Variants in CAB39L observed in about 807,000 individuals in gnomAD.
CAB39L encodes the protein calcium-binding protein 39-like.
CAB39L carries 23 observed loss-of-function variants against 39.1 expected under a neutral mutation model. That is an observed-to-expected ratio of 0.59 (90% CI 0.42 to 0.83). The LOEUF is 0.83. Ranked by LOEUF, CAB39L falls within the 40% of genes least tolerant of loss-of-function variation. The pLI is 0.00. For synonymous variants in CAB39L, 126 were observed against 137.2 expected (o/e 0.92, Z 0.57); for missense variants, 366 against 391.9 (o/e 0.93, Z 0.56).
At chr13:49,429,700 A>G (rs952339377) in intron 3 of CAB39L, among the ~76,000 whole-genome samples, 1 of 152,212 alleles carries the variant, frequency 6.6e-6, no homozygotes, top group Non-Finnish European at 1.5e-5. Flanking sequence ...CCAAAACCTC[A>G]CCATCCCCAA....
chr13:49,322,699 T>C (rs901982312), intron 10 of CAB39L, among the ~76,000 whole-genome samples: 23 of 152,228 alleles, frequency 1.5e-4, no homozygotes, highest in African/African-American at 5.3e-4. Flanking sequence ...TAGACTCTTG[T>C]AACTGGGAGG....
At chr13:49,336,491 G>A (rs1264497060) in intron 9 of CAB39L, among the ~76,000 whole-genome samples, 1 of 152,172 alleles carries the variant, frequency 6.6e-6, no homozygotes, top group Admixed American at 6.5e-5. Context: ...AAGATGCCTC[G>A]TGAATAGGCT....
At chr13:49,391,912 T>C (rs1024376714) in intron 3 of CAB39L, among the ~76,000 whole-genome samples, 2 of 151,276 alleles carry the variant, frequency 1.3e-5, no homozygotes, top group African/African-American at 4.9e-5. Flanking sequence ...ATTCTACTAC[T>C]AAAAAACCAA....
chr13:49,406,985 GT>G (rs1566123205), intron 3 of CAB39L, among the ~76,000 whole-genome samples: 1 of 151,984 alleles, frequency 6.6e-6, no homozygotes, highest in Non-Finnish European at 1.5e-5. Context: ...ATTATTTTAC[GT>G]GTTATAAAAA....
At chr13:49,434,055 GT>G (rs774653529) in intron 2 of CAB39L, 30 bp downstream of exon 2, 6 of 430,356 alleles carry the variant, frequency 1.4e-5, no homozygotes, top group South Asian at 8.4e-5. Flanking sequence ...GCGTGTGCTT[GT>G]TTCCCCATCA....
At chr13:49,436,654 T>C (rs1383850846) in intron 1 of CAB39L, among the ~76,000 whole-genome samples, 1 of 143,328 alleles carries the variant, frequency 7.0e-6, no homozygotes, top group Non-Finnish European at 1.5e-5. Context: ...TAGCTGGAAC[T>C]ACAGGCATGC....
At chr13:49,313,238 T>C (rs370798840) in intron 10 of CAB39L, among the ~76,000 whole-genome samples, 1 of 152,080 alleles carries the variant, frequency 6.6e-6, no homozygotes, top group Admixed American at 6.6e-5. Flanking sequence ...TCCTAGTACT[T>C]TGGGAGGCCG....
rs146932748 is a variant in CAB39L, at chr13:49,362,876, G to A, written c.277-3044C>T. On this transcript the variant is annotated intron_variant, in intron 5 of 10. Transcript: ENST00000409308. ...TGAAAAGAAACAAATAACATACAAT[G>A]GAGCTGCAATATATCTGGCAGCAGA... is the stretch of plus-strand genomic sequence containing the variant. Among the ~76,000 whole-genome samples, 431 of 152,232 alleles carry A rather than the reference G, an allele frequency of 2.8e-3. 2 individuals carry two copies. The highest frequency in any genetic ancestry group is 9.7e-3 in the African/African-American group (402 of 41,556).
At chr13:49,413,020 C>T (rs1957021223) in intron 3 of CAB39L, 1 of 152,108 alleles carries the variant, frequency 6.6e-6, no homozygotes, top group African/African-American at 2.4e-5. Flanking sequence ...TTTTCAGAAG[C>T]CTAGTGTGAT....
chr13:49,417,615 C>T (rs888559477), intron 3 of CAB39L, among the ~76,000 whole-genome samples: 3 of 145,562 alleles, frequency 2.1e-5, no homozygotes, highest in Non-Finnish European at 3.0e-5. Context: ...AAGCAAATAA[C>T]GGAAGCAAAA....
intron 2 of CAB39L, among the ~76,000 whole-genome samples, 159 bp from the exon 3 acceptor site, chr13:49,433,552 A>G (rs981509266): frequency 5.9e-5 from 9 of 152,224 alleles, no homozygotes; most frequent in Non-Finnish European, 1.0e-4. Flanking sequence ...TCATATCCCA[A>G]TAACTCAAGT....
At chr13:49,412,320 GTAT>G (rs1957006629) in intron 3 of CAB39L, among the ~76,000 whole-genome samples, 1 of 150,970 alleles carries the variant, frequency 6.6e-6, no homozygotes, top group Non-Finnish European at 1.5e-5. Context: ...GTGATTATTT[GTAT>G]TATTCTAATA....
chr13:49,379,907 T>A (rs1443447895), intron 4 of CAB39L, among the ~76,000 whole-genome samples: 1 of 151,582 alleles, frequency 6.6e-6, no homozygotes, highest in Non-Finnish European at 1.5e-5. Flanking sequence ...AGTGGCACAA[T>A]CTTGGCTCAC....
chr13:49,370,076 T>A (rs925312386), intron 5 of CAB39L, among the ~76,000 whole-genome samples: 1 of 151,902 alleles, frequency 6.6e-6, no homozygotes, highest in Admixed American at 6.6e-5. Context: ...TGGGAGCAAG[T>A]GGTTGTGCTG....
rs151058485 is a variant in CAB39L at position 49,323,469 on chromosome 13, G to A, written c.834+8478C>T. On this transcript the variant is annotated intron_variant, in intron 10 of 10. Transcript: ENST00000409308. ...GCCATTCAGAATCCTTATTCTTCCC[G>A]GAGGCCTTCAGCTCCATCGGAAGGT... Among the ~76,000 whole-genome samples, 480 of 152,216 alleles carry A rather than the reference G, an allele frequency of 3.2e-3. 3 individuals carry two copies. Among genetic ancestry groups the A allele is most frequent in the Non-Finnish European group, 4.3e-3 (295 of 68,020 alleles).
At chr13:49,390,678 C>A (rs1332656180) in intron 3 of CAB39L, among the ~76,000 whole-genome samples, 1 of 152,008 alleles carries the variant, frequency 6.6e-6, no homozygotes, top group Non-Finnish European at 1.5e-5. Context: ...AAGAAGTAAA[C>A]AATGAATGAG....
intron 3 of CAB39L, among the ~76,000 whole-genome samples, chr13:49,392,075 A>T (rs1441342356): frequency 6.6e-6 from 1 of 152,052 alleles, no homozygotes; most frequent in Non-Finnish European, 1.5e-5. Flanking sequence ...TTACAACATG[A>T]ATATAAGAAA....
intron 4 of CAB39L, among the ~76,000 whole-genome samples, chr13:49,378,012 C>T (rs1231988084): frequency 1.2e-5 from 1 of 83,972 alleles, no homozygotes; most frequent in Non-Finnish European, 2.4e-5. Context: ...GCCGCCCCAT[C>T]TGGGATGTGA....
Position 49,361,334 on chromosome 13 carries a change from C to T in CAB39L, c.277-1502G>A, listed in dbSNP as rs182927806. ...CTCTAGTAAAAATACAAAAATTAAC[C>T]GGCTGTGGTGGTGTGCACCTGTAGT... On this transcript the variant is annotated intron_variant, in intron 5 of 10. Coordinates refer to ENST00000409308, the MANE Select transcript of CAB39L (RefSeq NM_001079670.3). Among the ~76,000 whole-genome samples, 203 of 151,576 alleles carry T rather than the reference C, an allele frequency of 1.3e-3. 2 individuals are homozygous for T. The highest frequency in any genetic ancestry group is 4.7e-3 in the African/African-American group (193 of 41,330).
Sources: allele counts gnomAD v4.1 joint callset (sites outside exome capture counted in the v4.1 genomes callset), GRCh38; gene constraint gnomAD v4.1.1; transcripts MANE v1.5; gene names NCBI Gene and HGNC (gene_info 2026-07-23, HGNC 2026-07-21).